The following WDPCP variants were observed in gnomAD, a reference collection of about 807,000 sequenced individuals.
WDPCP encodes the protein WD repeat-containing and planar cell polarity effector protein fritz homolog.
In WDPCP, 71 loss-of-function variants were observed where a neutral mutation model predicts 93.1. The observed-to-expected ratio is 0.76, with a 90% confidence interval of 0.63 to 0.93. The LOEUF (loss-of-function observed/expected upper bound fraction) is 0.93. Ranked by LOEUF, WDPCP falls within the 40% of genes least tolerant of loss-of-function variation. WDPCP has a pLI of 0.00. For missense variants in WDPCP, 844 were observed against 887.4 expected, an observed-to-expected ratio of 0.95 and a Z score of 0.62; for synonymous variants, 315 against 315.0, an observed-to-expected ratio of 1.00 and a Z score of 0.00.
chr2:63,448,246 C>G (rs1348571794), intron 6 of WDPCP, among the ~76,000 whole-genome samples: 1 of 152,020 alleles, frequency 6.6e-6, no homozygotes, highest in African/African-American at 2.4e-5. Flanking sequence ...TTCCAGTTCT[C>G]CTCCATAATC....
At chr2:63,659,632 G>A (rs1290264881) in intron 2 of WDPCP, among the ~76,000 whole-genome samples, 2 of 152,330 alleles carry the variant, frequency 1.3e-5, no homozygotes, top group East Asian at 3.9e-4. Context: ...CCTTGGGAGG[G>A]AGGACACCTT....
At chr2:63,549,622 C>T (rs1178611351) in intron 1 of WDPCP, among the ~76,000 whole-genome samples, 3 of 151,816 alleles carry the variant, frequency 2.0e-5, no homozygotes, top group African/African-American at 4.8e-5. Context: ...CAAAAATTAG[C>T]GGGCATAGTG....
chr2:63,671,104 C>G (rs912377713), intron 2 of WDPCP, among the ~76,000 whole-genome samples: 1 of 152,094 alleles, frequency 6.6e-6, no homozygotes, highest in Non-Finnish European at 1.5e-5. Context: ...TCCTAGACTG[C>G]CCAGGAGGGT....
intron 2 of WDPCP, among the ~76,000 whole-genome samples, chr2:63,685,387 T>G (rs1668791063): frequency 6.6e-6 from 1 of 152,210 alleles, no homozygotes; most frequent in Non-Finnish European, 1.5e-5. Context: ...ATGTACAACC[T>G]ATCAAGATTG....
chr2:63,339,227 G>A lies in WDPCP; in HGVS notation c.1749-25916C>T, dbSNP rs897977485. On this transcript the variant is annotated intron_variant, in intron 12 of 17. Coordinates refer to ENST00000272321, the MANE Select transcript of WDPCP (RefSeq NM_015910.7). ...CTCACTCTGTCACCCAGGCTAGAGGGCAGTGGTGCAATCTCAGCTCACTTC... is the reference window on the plus strand; with the variant it reads ...CTCACTCTGTCACCCAGGCTAGAGGACAGTGGTGCAATCTCAGCTCACTTC... 2.0e-5 allele frequency among the ~76,000 whole-genome samples: 3 copies of A among 151,982 alleles called. No individual in the cohort carries two copies. In the East Asian group the frequency reaches 5.8e-4, roughly 29 times the overall value.
At chr2:63,642,564 T>C (rs1335116837) in intron 3 of WDPCP, 1 of 152,034 alleles carries the variant, frequency 6.6e-6, no homozygotes, top group Non-Finnish European at 1.5e-5. Flanking sequence ...TTGTGGCTAT[T>C]GTAAATGGGA....
chr2:63,305,490 A>G (rs1685660084), intron 13 of WDPCP, among the ~76,000 whole-genome samples: 1 of 152,208 alleles, frequency 6.6e-6, no homozygotes, highest in African/African-American at 2.4e-5. Flanking sequence ...AAACTAACAA[A>G]CAGAAAGAAA....
At chr2:63,500,454 G>GGGTGTGTGTGTGT (rs1553412905) in intron 1 of WDPCP, among the ~76,000 whole-genome samples, 2 of 149,474 alleles carry the variant, frequency 1.3e-5, no homozygotes, top group Non-Finnish European at 3.0e-5. Flanking sequence ...ATGGTGTGGG[G>GGGTGTGTGTGTGT]GTGTGTGTGT....
At chr2:63,131,384 T>C (rs1029552549) in intron 17 of WDPCP, among the ~76,000 whole-genome samples, 1 of 152,190 alleles carries the variant, frequency 6.6e-6, no homozygotes, top group Non-Finnish European at 1.5e-5. Flanking sequence ...GTGGCTAGCA[T>C]TGTGATTACG....
chr2:63,280,150 T>C (rs924905672), intron 13 of WDPCP, among the ~76,000 whole-genome samples: 6 of 152,070 alleles, frequency 3.9e-5, no homozygotes, highest in African/African-American at 1.4e-4. Flanking sequence ...AAAAGAGCGC[T>C]GTATTAGTTC....
intron 14 of WDPCP, among the ~76,000 whole-genome samples, chr2:63,205,414 G>T (rs1171464265): frequency 6.6e-6 from 1 of 151,934 alleles, no homozygotes; most frequent in African/African-American, 2.4e-5. Context: ...AGATTGTTTT[G>T]GTAGTATGGA....
intron 14 of WDPCP, among the ~76,000 whole-genome samples, chr2:63,226,319 T>C (rs556630121): frequency 2.0e-5 from 3 of 152,018 alleles, no homozygotes; most frequent in South Asian, 2.1e-4. Flanking sequence ...TATATTTTCC[T>C]TTTTTTGAGT....
intron 3 of WDPCP, among the ~76,000 whole-genome samples, chr2:63,614,061 CT>C (rs1709647143): frequency 6.6e-6 from 1 of 152,182 alleles, no homozygotes; most frequent in East Asian, 1.9e-4. Flanking sequence ...CAGGGAAGTT[CT>C]GACCGTCACT....
At chr2:63,448,804 A>G (rs372704335) in intron 6 of WDPCP, among the ~76,000 whole-genome samples, 9 of 152,280 alleles carry the variant, frequency 5.9e-5, no homozygotes, top group East Asian at 3.9e-4. Context: ...TGTGGAATCT[A>G]AAAAAGTAAA....
At chr2:63,447,677 A>G (rs1697958449) in intron 6 of WDPCP, among the ~76,000 whole-genome samples, 1 of 152,148 alleles carries the variant, frequency 6.6e-6, no homozygotes, top group South Asian at 2.1e-4. Flanking sequence ...GATTGCCATT[A>G]ATAATTGTAA....
At chr2:63,603,743 C>T (rs1175922529) in intron 3 of WDPCP, among the ~76,000 whole-genome samples, 6 of 151,106 alleles carry the variant, frequency 4.0e-5, no homozygotes, top group Non-Finnish European at 7.4e-5. Flanking sequence ...CCGCAACCTC[C>T]GCCTCCCAGG....
intron 14 of WDPCP, among the ~76,000 whole-genome samples, chr2:63,252,396 C>G (rs1330076439): frequency 6.6e-6 from 1 of 152,142 alleles, no homozygotes; most frequent in Non-Finnish European, 1.5e-5. Flanking sequence ...CCACACTCAT[C>G]ATTCCTGTTC....
intron 1 of WDPCP, among the ~76,000 whole-genome samples, chr2:63,511,693 A>G (rs562025077): frequency 1.3e-5 from 2 of 152,240 alleles, no homozygotes; most frequent in Non-Finnish European, 2.9e-5. Context: ...CTGGCTAGCC[A>G]TATGCAGAAA....
intron 14 of WDPCP, among the ~76,000 whole-genome samples, chr2:63,249,292 T>C (rs913806271): frequency 1.1e-4 from 17 of 152,194 alleles, no homozygotes; most frequent in African/African-American, 4.1e-4. Flanking sequence ...TGTGGCTTTC[T>C]CAATTCCCCT....
Sources: gnomAD v4.1 joint callset for allele counts (sites outside exome capture counted in the v4.1 genomes callset) on GRCh38, gnomAD v4.1.1 for gene constraint, MANE v1.5 for transcripts, NCBI Gene and HGNC (gene_info 2026-07-23, HGNC 2026-07-21) for gene names.